The following ZNF148 variants were observed in gnomAD, a reference collection of about 807,000 sequenced individuals.
ZNF148 encodes the protein Beta-Enolase Repressor Factor-1.
Under a neutral mutation model 67.7 loss-of-function variants are expected in ZNF148, and 7 were observed. The observed-to-expected ratio is 0.10, with a 90% CI of 0.06 to 0.19. The LOEUF is 0.19. ZNF148 is among the 10% of genes least tolerant of loss of function. The probability of loss-of-function intolerance (pLI) is 1.00; values close to 1 mark genes in which losing one functional copy is unlikely to be tolerated. For synonymous variants in ZNF148, 333 were observed against 330.7 expected (o/e 1.01, Z -0.08); for missense variants, 583 against 947.1 (o/e 0.62, Z 5.05).
intron 1 of ZNF148, among the ~76,000 whole-genome samples, chr3:125,353,512 G>A (rs1401176829): frequency 6.6e-6 from 1 of 152,132 alleles, no homozygotes; most frequent in Non-Finnish European, 1.5e-5. Context: ...TCCTAGTTTT[G>A]ATGTCTTACT....
chr3:125,250,936 T>G (rs1936815576), intron 7 of ZNF148, among the ~76,000 whole-genome samples: 1 of 152,162 alleles, frequency 6.6e-6, no homozygotes, highest in Non-Finnish European at 1.5e-5. Context: ...TACACAAAAG[T>G]AGAGAACACA....
chr3:125,326,669 G>A (rs912270200), intron 2 of ZNF148, among the ~76,000 whole-genome samples: 4 of 145,832 alleles, frequency 2.7e-5, no homozygotes, highest in African/African-American at 7.7e-5. Flanking sequence ...CTATATATAT[G>A]AGTATATATA....
At chr3:125,302,377 CA>C (rs753651032) in intron 4 of ZNF148, among the ~76,000 whole-genome samples, 179 of 113,052 alleles carry the variant, frequency 1.6e-3, no homozygotes, top group Middle Eastern at 4.2e-3. Flanking sequence ...GACCCTGTCT[CA>C]AAAAAAAAAA....
chr3:125,342,343 CAAAAA>C (rs199779219), intron 1 of ZNF148, among the ~76,000 whole-genome samples: 1 of 14,656 alleles, frequency 6.8e-5, no homozygotes, highest in Non-Finnish European at 2.1e-4. Flanking sequence ...AAACTAAAGA[CAAAAA>C]AAAAAGACAA....
intron 1 of ZNF148, among the ~76,000 whole-genome samples, chr3:125,355,539 G>A (rs907258374): frequency 1.3e-5 from 2 of 152,116 alleles, no homozygotes; most frequent in Non-Finnish European, 2.9e-5. Context: ...GACTGTTTTT[G>A]TTTTGTGATA....
intron 4 of ZNF148, among the ~76,000 whole-genome samples, chr3:125,302,832 A>G (rs146463449): frequency 1.1e-3 from 174 of 152,376 alleles, no homozygotes; most frequent in African/African-American, 4.1e-3. Flanking sequence ...GTTATGAGTG[A>G]CTGTATCTGG....
intron 4 of ZNF148, among the ~76,000 whole-genome samples, chr3:125,309,993 A>G (rs1193810628): frequency 6.6e-6 from 1 of 152,212 alleles, no homozygotes; most frequent in Middle Eastern, 3.2e-3. Flanking sequence ...ACTACAACTA[A>G]TAACAGAATG....
At chr3:125,235,668 C>T (rs1253213842) in intron 7 of ZNF148, among the ~76,000 whole-genome samples, 1 of 152,018 alleles carries the variant, frequency 6.6e-6, no homozygotes, top group African/African-American at 2.4e-5. Flanking sequence ...TACTGCTGCA[C>T]TATTCACAAT....
At chr3:125,272,652 TTTAA>T (rs1579674179) in intron 7 of ZNF148, among the ~76,000 whole-genome samples, 4 of 152,106 alleles carry the variant, frequency 2.6e-5, no homozygotes, top group African/African-American at 9.7e-5. Flanking sequence ...TACACCATAC[TTTAA>T]TTATATACAT....
intron 1 of ZNF148, among the ~76,000 whole-genome samples, chr3:125,360,285 T>C (rs1318612939): frequency 1.3e-5 from 2 of 152,048 alleles, no homozygotes; most frequent in Non-Finnish European, 2.9e-5. Context: ...GACAGGGTTT[T>C]TGTATTTTTT....
chr3:125,294,707 T>C (rs1332931769), intron 4 of ZNF148, among the ~76,000 whole-genome samples: 1 of 152,066 alleles, frequency 6.6e-6, no homozygotes, highest in Non-Finnish European at 1.5e-5. Flanking sequence ...TTGCATTAAA[T>C]CCTACAGTAA....
chr3:125,352,851 T>C (rs574606341), intron 1 of ZNF148, among the ~76,000 whole-genome samples: 1 of 152,178 alleles, frequency 6.6e-6, no homozygotes, highest in South Asian at 2.1e-4. Context: ...GGCACTCTAC[T>C]CGATAAGACT....
At chr3:125,276,319 G>A (rs894262750) in intron 7 of ZNF148, among the ~76,000 whole-genome samples, 1 of 151,846 alleles carries the variant, frequency 6.6e-6, no homozygotes, top group East Asian at 1.9e-4. Flanking sequence ...AGATGAATAC[G>A]TTTACTTAAA....
intron 7 of ZNF148, among the ~76,000 whole-genome samples, chr3:125,241,813 T>C (rs542711427): frequency 6.6e-6 from 1 of 152,370 alleles, no homozygotes; most frequent in Non-Finnish European, 1.5e-5. Flanking sequence ...GTTCATGATT[T>C]TGAAATGTAT....
chr3:125,252,993 A>G (rs1936911215), intron 7 of ZNF148, among the ~76,000 whole-genome samples: 1 of 152,116 alleles, frequency 6.6e-6, no homozygotes, highest in Non-Finnish European at 1.5e-5. Flanking sequence ...ATATGTTTTA[A>G]AATCAGTTTG....
chr3:125,284,008 A>C (rs773996633), intron 5 of ZNF148, among the ~76,000 whole-genome samples: 2 of 152,168 alleles, frequency 1.3e-5, no homozygotes, highest in Non-Finnish European at 2.9e-5. Context: ...GGCACATAAC[A>C]GGCACTCAAA....
chr3:125,288,790 G>A (rs1938847359), intron 4 of ZNF148, among the ~76,000 whole-genome samples: 1 of 152,126 alleles, frequency 6.6e-6, no homozygotes, highest in South Asian at 2.1e-4. Flanking sequence ...ATCTCAGCCA[G>A]TACTTTCCTG....
At chr3:125,240,647 C>T (rs543154431) in intron 7 of ZNF148, among the ~76,000 whole-genome samples, 10 of 151,744 alleles carry the variant, frequency 6.6e-5, no homozygotes, top group African/African-American at 2.4e-4. Flanking sequence ...TGTCTGTGGT[C>T]CCAGCTACTC....
At chr3:125,241,897 C>T (rs1936381125) in intron 7 of ZNF148, among the ~76,000 whole-genome samples, 1 of 152,186 alleles carries the variant, frequency 6.6e-6, no homozygotes, top group Non-Finnish European at 1.5e-5. Context: ...TACTATTTCC[C>T]TATAACTCAC....
Sources: allele counts gnomAD v4.1 joint callset (sites outside exome capture counted in the v4.1 genomes callset), GRCh38; gene constraint gnomAD v4.1.1; transcripts MANE v1.5; gene names NCBI Gene and HGNC (gene_info 2026-07-23, HGNC 2026-07-21).